CBFB: variants seen among roughly 807,000 people sequenced by gnomAD.
CBFB encodes the protein core-binding factor subunit beta.
Under a neutral mutation model 30.4 loss-of-function variants are expected in CBFB, and 9 were observed. The ratio of observed to expected loss-of-function variants is 0.30; its 90% CI spans 0.18 to 0.52. The LOEUF is 0.52. CBFB is among the 20% of genes least tolerant of loss of function. The probability of loss-of-function intolerance (pLI) is 0.97; values close to 1 mark genes in which losing one functional copy is unlikely to be tolerated. For synonymous variants in CBFB, 94 were observed against 84.0 expected (o/e 1.12, Z -0.65); for missense variants, 170 against 244.0 (o/e 0.70, Z 2.02).
At chr16:67,037,116 C>G (rs536598792) in intron 3 of CBFB, among the ~76,000 whole-genome samples, 33 of 152,224 alleles carry the variant, frequency 2.2e-4, no homozygotes, top group Middle Eastern at 3.4e-3. Flanking sequence ...CCAGGCTGGT[C>G]TCGAACTCCT....
At chr16:67,089,750 C>G (rs1343855063) in intron 5 of CBFB, among the ~76,000 whole-genome samples, 1 of 152,080 alleles carries the variant, frequency 6.6e-6, no homozygotes, top group Non-Finnish European at 1.5e-5. Flanking sequence ...GTGGAATGAG[C>G]ACAAGGTTTT....
chr16:67,048,602 G>A (rs950065161), intron 3 of CBFB, among the ~76,000 whole-genome samples: 2 of 152,148 alleles, frequency 1.3e-5, no homozygotes, highest in Admixed American at 1.3e-4. Context: ...CGAGGCTGGA[G>A]TGCAGTGGCA....
chr16:67,060,150 T>A (rs138935979), intron 3 of CBFB, among the ~76,000 whole-genome samples: 5 of 152,130 alleles, frequency 3.3e-5, no homozygotes, highest in African/African-American at 1.2e-4. Flanking sequence ...GCTAATTTTT[T>A]AAAATTTTTG....
intron 3 of CBFB, among the ~76,000 whole-genome samples, chr16:67,039,471 C>G (rs1316466360): frequency 2.0e-5 from 3 of 152,068 alleles, no homozygotes; most frequent in Non-Finnish European, 2.9e-5. Flanking sequence ...CGCACTAAAT[C>G]TATAAAAATT....
intron 3 of CBFB, among the ~76,000 whole-genome samples, chr16:67,064,600 T>C (rs1289737602): frequency 6.6e-6 from 1 of 152,148 alleles, no homozygotes; most frequent in Non-Finnish European, 1.5e-5. Flanking sequence ...ATATTGTTTA[T>C]CTCTATCACA....
At chr16:67,046,254 G>A (rs1171893405) in intron 3 of CBFB, among the ~76,000 whole-genome samples, 5 of 151,658 alleles carry the variant, frequency 3.3e-5, no homozygotes, top group African/African-American at 4.8e-5. Flanking sequence ...CCACAGGCAC[G>A]CGCCACCATG....
intron 3 of CBFB, among the ~76,000 whole-genome samples, chr16:67,045,095 TTATATA>T (rs59081635): frequency 6.7e-6 from 1 of 149,696 alleles, no homozygotes; most frequent in African/African-American, 2.4e-5. Flanking sequence ...AACTGCAAGC[TTATATA>T]TATATATATA....
chr16:67,094,168 G>T (rs1194221560), intron 5 of CBFB, among the ~76,000 whole-genome samples: 1 of 147,672 alleles, frequency 6.8e-6, no homozygotes, highest in African/African-American at 2.5e-5. Context: ...TATGTTGGCC[G>T]GGGTGGTCTG....
intron 3 of CBFB, among the ~76,000 whole-genome samples, chr16:67,055,608 G>A (rs752858349): frequency 2.6e-5 from 4 of 151,454 alleles, no homozygotes; most frequent in Admixed American, 1.3e-4. Flanking sequence ...CATCTGCCTC[G>A]GCCTCCCAAA....
chr16:67,032,754 A>T (rs1966373052), intron 2 of CBFB, among the ~76,000 whole-genome samples: 1 of 152,240 alleles, frequency 6.6e-6, no homozygotes, highest in Admixed American at 6.5e-5. Context: ...CTGTGGAAAA[A>T]GGCATTATTT....
At chr16:67,058,843 C>T (rs145611670) in intron 3 of CBFB, among the ~76,000 whole-genome samples, 323 of 152,256 alleles carry the variant, frequency 2.1e-3, no homozygotes, top group Middle Eastern at 0.01. Context: ...TACAGAGAAT[C>T]GAGATATCCT....
intron 3 of CBFB, among the ~76,000 whole-genome samples, chr16:67,042,699 C>T (rs914553925): frequency 1.3e-5 from 2 of 152,042 alleles, no homozygotes; most frequent in Non-Finnish European, 2.9e-5. Context: ...TCATGCTTCT[C>T]CATAGAGAGA....
chr16:67,080,083 C>G (rs1405819661), intron 4 of CBFB, among the ~76,000 whole-genome samples: 1 of 152,164 alleles, frequency 6.6e-6, no homozygotes, highest in Non-Finnish European at 1.5e-5. Flanking sequence ...CAGAGTGAGA[C>G]TCTGTCTCAA....
At chr16:67,060,462 C>A (rs1320934772) in intron 3 of CBFB, among the ~76,000 whole-genome samples, 1 of 152,174 alleles carries the variant, frequency 6.6e-6, no homozygotes, top group African/African-American at 2.4e-5. Flanking sequence ...ATTTGCCACT[C>A]CCCTGTGCCC....
At chr16:67,057,419 G>C (rs1022726557) in intron 3 of CBFB, among the ~76,000 whole-genome samples, 1 of 152,114 alleles carries the variant, frequency 6.6e-6, no homozygotes, top group Non-Finnish European at 1.5e-5. Context: ...TCTTGTAATA[G>C]AATTTTTTTT....
intron 4 of CBFB, among the ~76,000 whole-genome samples, chr16:67,079,914 A>G (rs1430150527): frequency 6.6e-6 from 1 of 152,130 alleles, no homozygotes; most frequent in Non-Finnish European, 1.5e-5. Flanking sequence ...TGGGAGGCCA[A>G]GTCAGGCAAA....
In CBFB at chr16:67,066,393, CA is replaced by C. The variant is rs56360240; in HGVS notation, c.283-272del. Reference sequence around the variant, plus strand: ...TGAAACCCCATCTCTACTAAAAATACAAAAAAAAAAAAAAAAATTAGCCAGG... The same window carrying C: ...TGAAACCCCATCTCTACTAAAAATACAAAAAAAAAAAAAAAATTAGCCAGG... On this transcript the variant is annotated intron_variant, in intron 3 of 5. Transcript: ENST00000412916. Among the ~76,000 whole-genome samples, 227 of 95,996 alleles carry C rather than the reference CA, an allele frequency of 2.4e-3. 2 individuals are homozygous for C. The highest frequency in any genetic ancestry group is 0.015 in the Middle Eastern group (3 of 196). 63.0% of individuals were successfully genotyped at this position (95,996 alleles called of 152,430 possible). A position where few individuals can be genotyped will look rare whatever the true frequency, so the allele number is the denominator to read the frequency against.
chr16:67,030,651 G>A (rs1261422678), intron 2 of CBFB, among the ~76,000 whole-genome samples: 1 of 152,204 alleles, frequency 6.6e-6, no homozygotes, highest in Non-Finnish European at 1.5e-5. Flanking sequence ...CCAGGCTGGA[G>A]TACAGTGGCT....
intron 4 of CBFB, among the ~76,000 whole-genome samples, chr16:67,074,991 G>A (rs1192780658): frequency 6.6e-6 from 1 of 151,946 alleles, no homozygotes; most frequent in Non-Finnish European, 1.5e-5. Flanking sequence ...CCAGGAGTTG[G>A]AGACCAGCCT....
Sources: allele counts gnomAD v4.1 joint callset (sites outside exome capture counted in the v4.1 genomes callset), GRCh38; gene constraint gnomAD v4.1.1; transcripts MANE v1.5; gene names NCBI Gene and HGNC (gene_info 2026-07-23, HGNC 2026-07-21).